Variants in PRICKLE1 observed in about 807,000 individuals in gnomAD.
PRICKLE1 encodes prickle planar cell polarity protein 1.
In PRICKLE1, 14 loss-of-function variants were observed where a neutral mutation model predicts 70.2. The observed-to-expected ratio is 0.20, with a 90% CI of 0.13 to 0.31. PRICKLE1 has a LOEUF of 0.31. PRICKLE1 is among the 10% of genes least tolerant of loss of function. The pLI is 1.00. For synonymous variants in PRICKLE1, 357 were observed against 379.9 expected (o/e 0.94, Z 0.70); for missense variants, 821 against 1,026.2 (o/e 0.80, Z 2.73).
At chr12:42,523,583 T>C (rs1429750253) in intron 1 of PRICKLE1, among the ~76,000 whole-genome samples, 3 of 152,194 alleles carry the variant, frequency 2.0e-5, no homozygotes, top group African/African-American at 7.2e-5. Flanking sequence ...TTCACAGACA[T>C]GCAAACTCAG....
Position 42,469,502 on chromosome 12 carries a change from C to T in PRICKLE1, c.332G>A (p.Arg111Lys). 6.2e-7 allele frequency: 1 copy of T among 1,614,180 alleles called. No homozygotes were observed. The highest frequency in any genetic ancestry group is 8.5e-7 in the Non-Finnish European group (1 of 1,180,038). Residue 111 changes from arginine to lysine, a missense_variant, in exon 4 of 8, where the codon AGA becomes AAA. Coordinates refer to ENST00000345127, the MANE Select transcript of PRICKLE1 (RefSeq NM_153026.3). ...SAQRKKEALG[R>K]GTIKLLSRAV... ...TCTGGACAGAAGCTTAATTGTTCCT[C>T]TTCCCAGTGCTTCTTTCTTCCGCTG...
chr12:42,511,738 C>T (rs1939517837), intron 1 of PRICKLE1, among the ~76,000 whole-genome samples: 1 of 152,118 alleles, frequency 6.6e-6, no homozygotes, highest in Admixed American at 6.5e-5. Context: ...AACCCAGCCA[C>T]CTAGATGCTG....
intron 1 of PRICKLE1, among the ~76,000 whole-genome samples, chr12:42,528,079 T>C (rs1016218408): frequency 1.3e-5 from 2 of 151,798 alleles, no homozygotes; most frequent in East Asian, 3.9e-4. Context: ...ATCTTCTTTA[T>C]GTATTTAACT....
chr12:42,557,454 A>AG (rs1385387070), intron 1 of PRICKLE1, among the ~76,000 whole-genome samples: 2 of 152,190 alleles, frequency 1.3e-5, no homozygotes, highest in Non-Finnish European at 2.9e-5. Flanking sequence ...TGTGTACAAG[A>AG]GCAGCAGATA....
chr12:42,513,388 C>T (rs1053189729), intron 1 of PRICKLE1, among the ~76,000 whole-genome samples: 1 of 152,130 alleles, frequency 6.6e-6, no homozygotes, highest in Non-Finnish European at 1.5e-5. Flanking sequence ...ATAGTAGGTA[C>T]TCAATTAATA....
chr12:42,545,200 C>T (rs148505174), intron 1 of PRICKLE1, among the ~76,000 whole-genome samples: 5 of 152,142 alleles, frequency 3.3e-5, no homozygotes, highest in African/African-American at 9.6e-5. Context: ...GATGGGGTTT[C>T]GCCATGTTGC....
At chr12:42,588,977 G>A (rs886184411) in intron 1 of PRICKLE1, among the ~76,000 whole-genome samples, 1 of 152,156 alleles carries the variant, frequency 6.6e-6, no homozygotes, top group African/African-American at 2.4e-5. Flanking sequence ...GGGTTGGGGA[G>A]AGTGGTGGGA....
At chr12:42,511,141 G>A (rs999329008) in intron 1 of PRICKLE1, among the ~76,000 whole-genome samples, 1 of 152,218 alleles carries the variant, frequency 6.6e-6, no homozygotes, top group Non-Finnish European at 1.5e-5. Context: ...CAAGGGCACT[G>A]TGCCTGCAGG....
intron 1 of PRICKLE1, among the ~76,000 whole-genome samples, chr12:42,490,980 T>C (rs1046457037): frequency 1.3e-5 from 2 of 151,920 alleles, no homozygotes; most frequent in Non-Finnish European, 2.9e-5. Flanking sequence ...GGCAATTTTC[T>C]TGTCTCAGCC....
intron 1 of PRICKLE1, among the ~76,000 whole-genome samples, chr12:42,541,831 T>C (rs1045499589): frequency 6.6e-5 from 10 of 152,160 alleles, no homozygotes; most frequent in African/African-American, 2.4e-4. Flanking sequence ...GAAGGTAGAA[T>C]AGTGAGCATG....
intron 1 of PRICKLE1, among the ~76,000 whole-genome samples, chr12:42,484,691 A>C (rs1362690102): frequency 6.6e-6 from 1 of 152,228 alleles, no homozygotes; most frequent in Non-Finnish European, 1.5e-5. Context: ...AACACAAGGA[A>C]GTGTCCCATA....
At chr12:42,494,601 G>A (rs1036646119) in intron 1 of PRICKLE1, among the ~76,000 whole-genome samples, 4 of 152,060 alleles carry the variant, frequency 2.6e-5, no homozygotes, top group Admixed American at 1.3e-4. Context: ...GAAGTCAGGA[G>A]TTTGAGACTA....
At chr12:42,584,889 G>A (rs991132333) in intron 1 of PRICKLE1, among the ~76,000 whole-genome samples, 1 of 152,044 alleles carries the variant, frequency 6.6e-6, no homozygotes, top group Non-Finnish European at 1.5e-5. Context: ...TCTTTCTTCC[G>A]GAGACCCAAT....
At chr12:42,512,699 C>T (rs1012577699) in intron 1 of PRICKLE1, among the ~76,000 whole-genome samples, 4 of 151,728 alleles carry the variant, frequency 2.6e-5, no homozygotes, top group Admixed American at 2.6e-4. Flanking sequence ...ACTCTGTTGC[C>T]CAGGCTGGAG....
chr12:42,564,381 C>T (rs556640357), intron 1 of PRICKLE1, among the ~76,000 whole-genome samples: 7 of 151,720 alleles, frequency 4.6e-5, no homozygotes, highest in South Asian at 4.2e-4. Context: ...CTGAGGCAGG[C>T]GGATCACCTG....
chr12:42,486,461 G>C (rs1938992462), intron 1 of PRICKLE1, among the ~76,000 whole-genome samples: 1 of 152,202 alleles, frequency 6.6e-6, no homozygotes, highest in Non-Finnish European at 1.5e-5. Context: ...ACCTGTACAA[G>C]TCTGTTTCTA....
intron 5 of PRICKLE1, among the ~76,000 whole-genome samples, chr12:42,468,038 G>C (rs1390132898): frequency 1.3e-5 from 2 of 152,152 alleles, no homozygotes; most frequent in Non-Finnish European, 2.9e-5. Flanking sequence ...TTATGGTTAT[G>C]TAAGACGTTA....
chr12:42,536,757 C>T (rs1008693910), intron 1 of PRICKLE1, among the ~76,000 whole-genome samples: 1 of 152,140 alleles, frequency 6.6e-6, no homozygotes, highest in African/African-American at 2.4e-5. Flanking sequence ...CCCCTGAGCC[C>T]ATCACTGTCT....
At chr12:42,508,222 T>C (rs367975257) in intron 1 of PRICKLE1, among the ~76,000 whole-genome samples, 2 of 152,208 alleles carry the variant, frequency 1.3e-5, no homozygotes, top group South Asian at 2.1e-4. Flanking sequence ...AAGTATTTTT[T>C]ATAAAGGATC....
Sources: allele counts gnomAD v4.1 joint callset (sites outside exome capture counted in the v4.1 genomes callset), GRCh38; gene constraint gnomAD v4.1.1; transcripts MANE v1.5; gene names NCBI Gene and HGNC (gene_info 2026-07-23, HGNC 2026-07-21).